The following NFIX variants were observed in gnomAD, a reference collection of about 807,000 sequenced individuals.
NFIX encodes nuclear factor I X.
Under a neutral mutation model 53.3 loss-of-function variants are expected in NFIX, and 2 were observed. The observed-to-expected ratio is 0.04, with a 90% CI of 0.02 to 0.12. The LOEUF is 0.12. Among genes scored for constraint, NFIX ranks in the 10% least tolerant of loss-of-function variants. The probability of loss-of-function intolerance (pLI) is 1.00; values close to 1 mark genes in which losing one functional copy is unlikely to be tolerated. For synonymous variants in NFIX, 244 were observed against 289.0 expected, an observed-to-expected ratio of 0.84 and a Z score of 1.58; for missense variants, 310 against 674.5, an observed-to-expected ratio of 0.46 and a Z score of 5.99.
chr19:13,082,935 G>A (rs971946593), intron 8 of NFIX, among the ~76,000 whole-genome samples: 1 of 152,238 alleles, frequency 6.6e-6, no homozygotes, highest in Non-Finnish European at 1.5e-5. Context: ...CTGGCAGAGC[G>A]AGCATTTGCT....
At position 13,096,125 on chromosome 19, in the gene NFIX, G is replaced by GCC. The variant is rs1168731564; in HGVS notation, c.*1479_*1480dup. 1 of 152,776 alleles carries GCC rather than the reference G, an allele frequency of 6.5e-6. No individual in the cohort carries two copies. Among genetic ancestry groups the GCC allele is most frequent in the Non-Finnish European group, 1.5e-5 (1 of 68,188 alleles). 9.5% of individuals were successfully genotyped at this position (152,776 alleles called of 1,614,324 possible). A position where few individuals can be genotyped will look rare whatever the true frequency, so the allele number is the denominator to read the frequency against. ...CAGCTCCCCTCCAGGGTGTGACTTG[G>GCC]CCCCTCTGGCTTGTCTTTCTGTGCC... is the stretch of plus-strand genomic sequence containing the variant. On this transcript the variant is annotated 3_prime_UTR_variant, in exon 11 of 11. Coordinates refer to ENST00000592199, the MANE Select transcript of NFIX (RefSeq NM_001365902.3).
At chr19:13,016,300 G>A (rs954731649) in intron 1 of NFIX, among the ~76,000 whole-genome samples, 3 of 152,094 alleles carry the variant, frequency 2.0e-5, no homozygotes, top group Non-Finnish European at 2.9e-5. Flanking sequence ...AAAAAATAGC[G>A]GGCTGATATA....
chr19:13,025,110 G>A lies in NFIX; in HGVS notation c.117G>A (p.Lys39=), dbSNP rs148229471. The change falls in exon 2 of 11, where the codon AAG becomes AAA. Residue 39 remains lysine (K), a synonymous_variant. Coordinates refer to ENST00000592199, the MANE Select transcript of NFIX (RefSeq NM_001365902.3). The surrounding 1 kb of genome is among the most constrained non-coding windows in gnomAD (Gnocchi z 7.5). ...TWFNLQARKR[K]YFKKHEKRMS... ...TCAACCTGCAGGCGCGGAAGCGCAA[G>A]TACTTCAAGAAGCATGAAAAGCGGA... is the stretch of plus-strand genomic sequence containing the variant. The A allele has an allele frequency of 3.0e-4, 482 of 1,614,244 alleles. No individual in the cohort carries two copies. Among genetic ancestry groups the A allele is most frequent in the Non-Finnish European group, 3.3e-4 (394 of 1,180,046 alleles).
chr19:13,057,301 G>GGA (rs1568300383), intron 2 of NFIX, among the ~76,000 whole-genome samples: 1 of 152,232 alleles, frequency 6.6e-6, no homozygotes, highest in African/African-American at 2.4e-5. Flanking sequence ...GTGCTTGGAG[G>GGA]GAGGGAAGCA....
rs2013499671 is a variant in NFIX at position 13,027,971 on chromosome 19, C to T, written c.559+2419C>T. Among the ~76,000 whole-genome samples the T allele has an allele frequency of 6.6e-6, 1 of 152,196 alleles. No individual in the cohort carries two copies. Among genetic ancestry groups the T allele is most frequent in the Non-Finnish European group, 1.5e-5 (1 of 68,044 alleles). On this transcript the variant is annotated intron_variant, in intron 2 of 10. Transcript: ENST00000592199. The surrounding 1 kb of genome is among the most constrained non-coding windows in gnomAD (Gnocchi z 4.3). The stretch of plus-strand genomic sequence containing the variant: ...ATTGCTTTAGTTTGAGTGTGCCTTC[C>T]TGAAGTGAGTTGAGGCGAGTTGGCG...
At chr19:13,026,991 A>G (rs2013418620) in intron 2 of NFIX, among the ~76,000 whole-genome samples, 1 of 152,192 alleles carries the variant, frequency 6.6e-6, no homozygotes, top group African/African-American at 2.4e-5. Context: ...GGAATGATAT[A>G]ACTGGATCCA....
In NFIX at chr19:13,074,013, C is replaced by T; in HGVS notation, c.805C>T (p.Pro269Ser). The T allele has an allele frequency of 6.2e-7, 1 of 1,614,014 alleles. No individual in the cohort carries two copies. Among genetic ancestry groups the T allele is most frequent in the South Asian group, 1.1e-5 (1 of 91,086 alleles). ...CCTGGGGCGGCGGTCCATCACCTCC[C>T]CTCCTTCCACCAGGTAAGCCCAGTG... ...VTLGRRSITSPPSTSTTKRPK... is the reference protein window; with the variant it reads ...VTLGRRSITSSPSTSTTKRPK... The change falls in exon 5 of 11, where the codon CCT becomes TCT. Residue 269 changes from proline to serine, a missense_variant. Pro to Ser is a moderately conservative substitution (Grantham distance 74). Coordinates refer to ENST00000592199, the MANE Select transcript of NFIX (RefSeq NM_001365902.3).
Position 13,074,556 on chromosome 19 carries a change from G to A in NFIX, c.818+530G>A, listed in dbSNP as rs377586672. ...CTCTCCAGCAACAGTGTGTGTGGGC[G>A]GGACTGATAGCCAGTTAGGAGGCCA... On this transcript the variant is annotated intron_variant, in intron 5 of 10. Coordinates refer to ENST00000592199, the MANE Select transcript of NFIX (RefSeq NM_001365902.3). 3.9e-5 allele frequency among the ~76,000 whole-genome samples: 6 copies of A among 152,074 alleles called. 1 individual carries two copies. The highest frequency in any genetic ancestry group is 4.2e-4 in the South Asian group (2 of 4,798).
In NFIX at chr19:13,042,271, CT is replaced by C. The variant is rs1245092790; in HGVS notation, c.559+16720del. Among the ~76,000 whole-genome samples the C allele has an allele frequency of 3.3e-5, 5 of 151,558 alleles. 1 individual carries two copies. Among genetic ancestry groups the C allele is most frequent in the Non-Finnish European group, 7.4e-5 (5 of 67,980 alleles). On this transcript the variant is annotated intron_variant, in intron 2 of 10. Transcript: ENST00000592199. ...CAACTTTTCTAATGACTTCTGTCCC[CT>C]ATTCCCTTTTGAAAATGAGAAATTA...
In NFIX at chr19:13,028,506, A is replaced by G. The variant is rs997764014; in HGVS notation, c.559+2954A>G. Among the ~76,000 whole-genome samples, 2 of 152,102 alleles carry G rather than the reference A, an allele frequency of 1.3e-5. No homozygotes were observed. Among genetic ancestry groups the G allele is most frequent in the Non-Finnish European group, 2.9e-5 (2 of 68,030 alleles). On this transcript the variant is annotated intron_variant, in intron 2 of 10. Transcript: ENST00000592199. This position sits in a 1 kb window ranked among gnomAD's most constrained non-coding sequence, Gnocchi z 4.2. ...CCCAGATGAAGCTTCAAGAGATGAC[A>G]TGTTCGAGAGGGAATAAAGGACGTG...
rs2014929062 is a variant in NFIX at position 13,045,521 on chromosome 19, A to C, written c.559+19969A>C. On this transcript the variant is annotated intron_variant, in intron 2 of 10. Coordinates refer to ENST00000592199, the MANE Select transcript of NFIX (RefSeq NM_001365902.3). The surrounding 1 kb of genome is among the most constrained non-coding windows in gnomAD (Gnocchi z 4.4). ...GGGGTAATGAGGTTGAGAAACCCTG[A>C]CTGAGGCCAAGGAAAGGAACGGCAG... Among the ~76,000 whole-genome samples the C allele has an allele frequency of 6.6e-6, 1 of 152,134 alleles. No individual in the cohort carries two copies. Among genetic ancestry groups the C allele is most frequent in the South Asian group, 2.1e-4 (1 of 4,830 alleles).
At position 13,043,251 on chromosome 19, in the gene NFIX, C is replaced by T. The variant is rs2014759360; in HGVS notation, c.559+17699C>T. On this transcript the variant is annotated intron_variant, in intron 2 of 10. Coordinates refer to ENST00000592199, the MANE Select transcript of NFIX (RefSeq NM_001365902.3). The surrounding 1 kb of genome is among the most constrained non-coding windows in gnomAD (Gnocchi z 4.0). ...TGTTTTTATGAATCTGAGGTGCCCCCTTCCAGGCCTCTGCAGCCACTTCCT... is the reference window on the plus strand; with the variant it reads ...TGTTTTTATGAATCTGAGGTGCCCCTTTCCAGGCCTCTGCAGCCACTTCCT... Among the ~76,000 whole-genome samples the T allele has an allele frequency of 6.6e-6, 1 of 152,230 alleles. No homozygotes were observed. Among genetic ancestry groups the T allele is most frequent in the Non-Finnish European group, 1.5e-5 (1 of 68,038 alleles).
intron 1 of NFIX, among the ~76,000 whole-genome samples, chr19:13,003,727 C>T (rs555865957): frequency 2.6e-5 from 4 of 152,188 alleles, no homozygotes; most frequent in African/African-American, 9.6e-5. Context: ...CAGCCCTGAC[C>T]TCCCAAGCTC....
chr19:13,007,353 A>G lies in NFIX; in HGVS notation c.27+11489A>G, dbSNP rs73925244. On this transcript the variant is annotated intron_variant, in intron 1 of 10. Coordinates refer to ENST00000592199, the MANE Select transcript of NFIX (RefSeq NM_001365902.3). ...GTGTATCTCTGGGGTTGGGGGGCACATGTTCTAAGCCAGCTCGCTCCATCC... is the reference window on the plus strand; with the variant it reads ...GTGTATCTCTGGGGTTGGGGGGCACGTGTTCTAAGCCAGCTCGCTCCATCC... Among the ~76,000 whole-genome samples, 697 of 152,144 alleles carry G rather than the reference A, an allele frequency of 4.6e-3. 1 individual carries two copies. Among genetic ancestry groups the G allele is most frequent in the African/African-American group, 0.016 (675 of 41,492 alleles).
At chr19:13,056,619 C>T (rs1466240004) in intron 2 of NFIX, among the ~76,000 whole-genome samples, 2 of 152,184 alleles carry the variant, frequency 1.3e-5, no homozygotes, top group Admixed American at 6.5e-5. Flanking sequence ...TCCTTCCACT[C>T]GGGAGCCCAG....
At position 13,067,461 on chromosome 19, in the gene NFIX, C is replaced by CGCGTGTGTGTGTGTGTGTGT. The variant is rs1568310016; in HGVS notation, c.560-5564_560-5545dup. 1.2e-4 allele frequency among the ~76,000 whole-genome samples: 17 copies of CGCGTGTGTGTGTGTGTGTGT among 140,936 alleles called. No homozygotes were observed. The highest frequency in any genetic ancestry group is 2.3e-4 in the Non-Finnish European group (15 of 66,042). 92.5% of individuals were successfully genotyped at this position (140,936 alleles called of 152,430 possible). A position where few individuals can be genotyped will look rare whatever the true frequency, so the allele number is the denominator to read the frequency against. ...TTAGTGGCACCTCCGTGTGTGTGCG[C>CGCGTGTGTGTGTGTGTGTGT]GCGTGTGTGTGTGTGTGTGTGCGTG... is the stretch of plus-strand genomic sequence containing the variant. On this transcript the variant is annotated intron_variant, in intron 2 of 10. Transcript: ENST00000592199. The surrounding 1 kb of genome is among the most constrained non-coding windows in gnomAD (Gnocchi z 4.2).
chr19:13,024,504 C>T, intron 1 of NFIX: 1 of 1,505,442 alleles, frequency 6.6e-7, no homozygotes, highest in East Asian at 2.5e-5. Flanking sequence ...TTCTTGGGGG[C>T]GGCCAAAAAT....
rs1484468724 is a variant in NFIX at position 13,073,350 on chromosome 19, A to G, written c.623-72A>G. On this transcript the variant is annotated intron_variant, in intron 3 of 10. Coordinates refer to ENST00000592199, the MANE Select transcript of NFIX (RefSeq NM_001365902.3). The surrounding 1 kb of genome is among the most constrained non-coding windows in gnomAD (Gnocchi z 4.5). The stretch of plus-strand genomic sequence containing the variant: ...TTGGGAGGGAGAAGCAACAGTGTGG[A>G]AGACCTTTGGAAATAGCCAGGCAGC... 1 of 1,317,378 alleles carries G rather than the reference A, an allele frequency of 7.6e-7. No homozygotes were observed. The highest frequency in any genetic ancestry group is 1.1e-6 in the Non-Finnish European group (1 of 909,376). 81.6% of individuals were successfully genotyped at this position (1,317,378 alleles called of 1,614,324 possible).
At position 13,049,801 on chromosome 19, in the gene NFIX, C is replaced by T. The variant is rs779447262; in HGVS notation, c.560-23246C>T. Among the ~76,000 whole-genome samples the T allele has an allele frequency of 2.6e-5, 4 of 152,108 alleles. No homozygotes were observed. ...TAGAGACAGGGTTTCACCATATTGG[C>T]CAGGCTGGTCTCGAACTCCTGATCT... is the stretch of plus-strand genomic sequence containing the variant. On this transcript the variant is annotated intron_variant, in intron 2 of 10. Transcript: ENST00000592199. The surrounding 1 kb of genome is among the most constrained non-coding windows in gnomAD (Gnocchi z 4.5).
Sources: gnomAD v4.1 joint callset for allele counts (sites outside exome capture counted in the v4.1 genomes callset) on GRCh38, gnomAD v4.1.1 for gene constraint, Gnocchi (gnomAD v3.1) non-coding constraint, MANE v1.5 for transcripts, NCBI Gene and HGNC (gene_info 2026-07-23, HGNC 2026-07-21) for gene names.